The following DHX37 variants were observed in gnomAD, a reference collection of about 807,000 sequenced individuals.
The protein encoded by DHX37 is probable ATP-dependent RNA helicase DHX37.
In DHX37, 52 loss-of-function variants were observed where a neutral mutation model predicts 134.3. The ratio of observed to expected loss-of-function variants is 0.39; its 90% CI spans 0.31 to 0.49. DHX37 has a LOEUF of 0.49. DHX37 is among the 20% of genes least tolerant of loss of function. The probability of loss-of-function intolerance (pLI) is 0.93; values close to 1 mark genes in which losing one functional copy is unlikely to be tolerated. For missense variants in DHX37, 1,344 were observed against 1,580.8 expected (o/e 0.85, Z 2.54); for synonymous variants, 634 against 670.7 (o/e 0.95, Z 0.85).
At chr12:124,972,722 G>A (rs1954546480) in intron 6 of DHX37, 123 bp from the exon 7 acceptor site, 10 of 838,650 alleles carry the variant, frequency 1.2e-5, no homozygotes, top group Admixed American at 9.7e-5. Flanking sequence ...CTGGCAACCT[G>A]AAACAAGTCC....
chr12:124,986,170 C>T lies in DHX37; in HGVS notation c.202G>A (p.Glu68Lys), dbSNP rs1954868064. ...KTKAPPLSKK[E>K]KKPLTKKEKK... ...TCCTTCTTGGTCAGAGGCTTCTTCT[C>T]CTTCTTCGACAGGGGAGGGGCTTTG... is the stretch of plus-strand genomic sequence containing the variant. The change falls in exon 2 of 27, where the codon GAG becomes AAG. Residue 68 changes from glutamate (E) to lysine (K), a missense_variant. Glu to Lys is a moderately conservative substitution (Grantham distance 56). Transcript: ENST00000308736. 3 of 1,614,200 alleles carry T rather than the reference C, an allele frequency of 1.9e-6. No homozygotes were observed. The highest frequency in any genetic ancestry group is 1.1e-5 in the South Asian group (1 of 91,086).
In DHX37 at chr12:124,964,564, C is replaced by A. The variant is rs755123191; in HGVS notation, c.1875G>T (p.Thr625=). The change falls in exon 15 of 27, where the codon ACG becomes ACT. Residue 625 remains threonine, a synonymous_variant. Transcript: ENST00000308736. ...LCVVATNVAE[T]SLTIPGIKYV... The stretch of plus-strand genomic sequence containing the variant: ...ACTTGATGCCAGGGATGGTAAGCGA[C>A]GTCTCGGCCACATTGGTGGCCACAA... 2 of 1,613,404 alleles carry A rather than the reference C, an allele frequency of 1.2e-6. No homozygotes were observed. Among genetic ancestry groups the A allele is most frequent in the African/African-American group, 1.3e-5 (1 of 75,042 alleles).
At chr12:124,960,075 A>G (rs1373628376) in intron 16 of DHX37, among the ~76,000 whole-genome samples, 1 of 152,256 alleles carries the variant, frequency 6.6e-6, no homozygotes, top group Non-Finnish European at 1.5e-5. Context: ...AACAGCGTGC[A>G]GGACCCTGCT....
rs200112553 is a variant in DHX37, at chr12:124,975,465, C to G, written c.934G>C (p.Val312Leu). The G allele has an allele frequency of 6.2e-7, 1 of 1,612,916 alleles. No homozygotes were observed. Among genetic ancestry groups the G allele is most frequent in the Non-Finnish European group, 8.5e-7 (1 of 1,180,014 alleles). ...GVTEPRRVAA[V>L]AMSQRVAKEM... is the part of the protein sequence containing the mutation. ...TTGGCCACTCGCTGGGACATGGCCA[C>G]GGCGGCCACTCGGCGGGGCTCCGTG... The change falls in exon 6 of 27, where the codon GTG becomes CTG. Residue 312 changes from valine (V) to leucine (L), a missense_variant. This residue lies in a region of DHX37 where 32 missense variants were observed against 28.9 expected (regional missense o/e 1.11). Coordinates refer to ENST00000308736, the MANE Select transcript of DHX37 (RefSeq NM_032656.4).
chr12:124,983,512 C>T (rs983340691), intron 2 of DHX37, among the ~76,000 whole-genome samples: 8 of 151,918 alleles, frequency 5.3e-5, no homozygotes, highest in Admixed American at 4.6e-4. Flanking sequence ...TGACCAGGCA[C>T]AGTGGCTCAC....
At chr12:124,962,943 G>T (rs1954296599) in intron 15 of DHX37, among the ~76,000 whole-genome samples, 1 of 152,172 alleles carries the variant, frequency 6.6e-6, no homozygotes, top group Non-Finnish European at 1.5e-5. Context: ...AAAACAGTTT[G>T]GTGGCTCCTC....
At chr12:124,971,251 C>G (rs771906250) in intron 8 of DHX37, 51 bp downstream of exon 8, 1 of 1,583,908 alleles carries the variant, frequency 6.3e-7, no homozygotes, top group South Asian at 1.1e-5. Context: ...TCTGACAGAG[C>G]TGGGGGGGGC....
In DHX37 at chr12:124,965,165, G is replaced by A. The variant is rs115093062; in HGVS notation, c.1736-159C>T. 7.4e-3 allele frequency: 2,437 copies of A among 330,196 alleles called. 56 individuals carry two copies. Among genetic ancestry groups the A allele is most frequent in the African/African-American group, 0.05 (2,245 of 44,842 alleles). The allele number at this position is 330,196 out of a possible 1,614,324, so 20.5% of individuals were successfully genotyped here. ...TTGGGACCAGCCAGGCCAAGCCTGG[G>A]GGAACTGCTGAGAGGTTCCCAGGGG... On this transcript the variant is annotated intron_variant, in intron 13 of 26. Coordinates refer to ENST00000308736, the MANE Select transcript of DHX37 (RefSeq NM_032656.4).
At chr12:124,984,762 T>C (rs1565895454) in intron 2 of DHX37, among the ~76,000 whole-genome samples, 2 of 152,122 alleles carry the variant, frequency 1.3e-5, no homozygotes, top group Admixed American at 6.5e-5. Context: ...GAGATACAAA[T>C]TGAAATATTT....
intron 21 of DHX37, 81 bp from the exon 22 acceptor site, chr12:124,950,885 CT>C (rs1266580607): frequency 6.8e-7 from 1 of 1,470,082 alleles, no homozygotes; most frequent in East Asian, 2.6e-5. Flanking sequence ...GGAGAAGAAT[CT>C]GATTATCCAC....
intron 3 of DHX37, among the ~76,000 whole-genome samples, chr12:124,981,830 AC>A (rs2135968598): frequency 6.6e-6 from 1 of 151,804 alleles, no homozygotes; most frequent in South Asian, 2.1e-4. Context: ...GCCTTAAAAA[AC>A]GACACAAACC....
chr12:124,972,448 C>T (rs531169487), intron 7 of DHX37, 55 bp downstream of exon 7: 20 of 1,587,852 alleles, frequency 1.3e-5, no homozygotes, highest in Non-Finnish European at 3.5e-6. Flanking sequence ...GACATCCTAG[C>T]ATCCCGCCCC....
chr12:124,948,261 G>T, intron 25 of DHX37, 80 bp from the exon 26 acceptor site: 1 of 1,527,608 alleles, frequency 6.5e-7, no homozygotes. Context: ...AGCAGGGCAG[G>T]CATCACCACC....
At chr12:124,978,625 G>GT (rs911842161) in intron 4 of DHX37, among the ~76,000 whole-genome samples, 1 of 138,182 alleles carries the variant, frequency 7.2e-6, no homozygotes, top group African/African-American at 2.6e-5. Context: ...GCCTCCATTT[G>GT]TTTTTTTTAA....
In DHX37 at chr12:124,952,442, G is replaced by A; in HGVS notation, c.2824C>T (p.Gln942Ter). ...TTGTCCTCCAGCATCTCCTCGCTCT[G>A]GACCCTGCGGGCCAAGTGGTCCCCC... Reference protein sequence around the residue: ...GLGDHLARRVQSEEMLEDKWR... With the variant: ...GLGDHLARRV The change falls in exon 21 of 27, where the codon CAG (glutamine) becomes TAG (stop). Residue 942 changes from glutamine (Q) to a stop codon, truncating the protein, a stop_gained. Transcript: ENST00000308736. LOFTEE classifies it high-confidence loss of function. The A allele has an allele frequency of 6.2e-7, 1 of 1,611,272 alleles. No homozygotes were observed. The highest frequency in any genetic ancestry group is 1.3e-5 in the African/African-American group (1 of 74,996).
intron 4 of DHX37, among the ~76,000 whole-genome samples, chr12:124,979,362 C>G (rs1018969854): frequency 6.6e-6 from 1 of 152,086 alleles, no homozygotes; most frequent in African/African-American, 2.4e-5. Flanking sequence ...GAGTGAGACC[C>G]TGTTTCAAAC....
chr12:124,978,480 G>A (rs1457586089), intron 4 of DHX37, among the ~76,000 whole-genome samples: 1 of 151,020 alleles, frequency 6.6e-6, no homozygotes, highest in African/African-American at 2.4e-5. Flanking sequence ...ACCATGCCTG[G>A]CTAATTTTTG....
intron 23 of DHX37, 44 bp from the exon 24 acceptor site, chr12:124,950,287 C>T: frequency 6.2e-7 from 1 of 1,610,354 alleles, no homozygotes; most frequent in Non-Finnish European, 8.5e-7. Context: ...CCTGCAGCTG[C>T]CCTCCCGAGT....
At chr12:124,982,396 C>T (rs1248495813) in intron 3 of DHX37, 115 bp downstream of exon 3, 23 of 1,380,324 alleles carry the variant, frequency 1.7e-5, no homozygotes, top group Non-Finnish European at 2.3e-5. Flanking sequence ...GCCACTCAGG[C>T]CACCATAAAG....
Sources: gnomAD v4.1 joint callset for allele counts (sites outside exome capture counted in the v4.1 genomes callset) on GRCh38, gnomAD v4.1.1 for gene constraint, gnomAD v4.1.1 regional missense constraint, MANE v1.5 for transcripts, NCBI Gene and HGNC (gene_info 2026-07-23, HGNC 2026-07-21) for gene names.